Variants in GRIN2A observed in about 807,000 individuals in gnomAD.
The protein encoded by GRIN2A is glutamate receptor ionotropic, NMDA 2A.
Under a neutral mutation model 113.4 loss-of-function variants are expected in GRIN2A, and 22 were observed. That is an observed-to-expected ratio of 0.19 (90% CI 0.14 to 0.28). The LOEUF (loss-of-function observed/expected upper bound fraction) is 0.28. GRIN2A is among the 10% of genes least tolerant of loss of function. GRIN2A has a pLI of 1.00. For synonymous variants in GRIN2A, 827 were observed against 738.4 expected, an observed-to-expected ratio of 1.12 and a Z score of -1.94; for missense variants, 1,502 against 1,887.0, an observed-to-expected ratio of 0.80 and a Z score of 3.78.
At chr16:10,023,502 A>G (rs545681417) in intron 2 of GRIN2A, among the ~76,000 whole-genome samples, 5 of 152,328 alleles carry the variant, frequency 3.3e-5, no homozygotes, top group Admixed American at 2.6e-4. Context: ...GTAAGAGAAC[A>G]CATCAGGATT....
Position 9,891,010 on chromosome 16 carries a change from C to G in GRIN2A, c.1098G>C (p.Leu366=). Reference sequence around the variant, plus strand: ...CCTTTTCCCATTCCCGGTCTTTGTTCAGCACAATCACCACCAGCCTGGGGT... The same window carrying G: ...CCTTTTCCCATTCCCGGTCTTTGTTGAGCACAATCACCACCAGCCTGGGGT... ...QVHPRLVVIV[L]NKDREWEKVG... The change falls in exon 4 of 13, where the codon CTG becomes CTC. Residue 366 remains leucine (L), a synonymous_variant. Coordinates refer to ENST00000330684, the MANE Select transcript of GRIN2A (RefSeq NM_001134407.3). 6.2e-7 allele frequency: 1 copy of G among 1,611,042 alleles called. No homozygotes were observed. The highest frequency in any genetic ancestry group is 8.5e-7 in the Non-Finnish European group (1 of 1,177,224).
At chr16:10,147,745 C>T (rs1370924333) in intron 2 of GRIN2A, among the ~76,000 whole-genome samples, 1 of 151,994 alleles carries the variant, frequency 6.6e-6, no homozygotes, top group African/African-American at 2.4e-5. Context: ...ACCTTAAAAA[C>T]AGAAATGAAA....
chr16:9,771,226 T>G (rs1901255096), intron 11 of GRIN2A, among the ~76,000 whole-genome samples: 1 of 152,090 alleles, frequency 6.6e-6, no homozygotes, highest in East Asian at 1.9e-4. Context: ...CTGAAAACTT[T>G]AAAATACTGT....
Position 9,757,011 on chromosome 16 carries a change from G to C in GRIN2A, c.*6138C>G, listed in dbSNP as rs1428419255. 3 of 198,512 alleles carry C rather than the reference G, an allele frequency of 1.5e-5. No individual in the cohort carries two copies. Among genetic ancestry groups the C allele is most frequent in the Non-Finnish European group, 3.1e-5 (3 of 96,048 alleles). The allele number at this position is 198,512 out of a possible 1,614,324, so 12.3% of individuals were successfully genotyped here. A position where few individuals can be genotyped will look rare whatever the true frequency, so the allele number is the denominator to read the frequency against. On this transcript the variant is annotated 3_prime_UTR_variant, in exon 13 of 13. Transcript: ENST00000330684. ...ATTCATACCCTGGTGTATCAGAAGG[G>C]TTCTTCAAATGTCAAAAACAAAACC...
chr16:10,129,343 G>A (rs1473522068), intron 2 of GRIN2A, among the ~76,000 whole-genome samples: 1 of 149,098 alleles, frequency 6.7e-6, no homozygotes, highest in African/African-American at 2.5e-5. Context: ...GCTTTCAAAG[G>A]ACACATGCTT....
At chr16:9,797,165 C>T (rs1037981557) in intron 11 of GRIN2A, among the ~76,000 whole-genome samples, 11 of 152,234 alleles carry the variant, frequency 7.2e-5, no homozygotes, top group Non-Finnish European at 1.6e-4. Context: ...ATTTTTCTCT[C>T]CCACCTGTAG....
At chr16:9,842,971 GGAAGAA>G (rs1377377848) in intron 5 of GRIN2A, among the ~76,000 whole-genome samples, 5 of 129,530 alleles carry the variant, frequency 3.9e-5, no homozygotes, top group African/African-American at 1.5e-4. Context: ...GAGAGAGAGA[GGAAGAA>G]AGAAAGAAAG....
intron 3 of GRIN2A, among the ~76,000 whole-genome samples, chr16:9,920,055 C>G (rs2044329506): frequency 6.6e-6 from 1 of 152,208 alleles, no homozygotes; most frequent in Non-Finnish European, 1.5e-5. Context: ...ATTGACATTG[C>G]CTGTATTCAT....
chr16:9,835,348 G>A lies in GRIN2A; in HGVS notation c.1652-1118C>T, dbSNP rs988823371. ...TTTGCATGTAACTTAGGCAGTAGGT[G>A]GATGTCTTAGAAGGGCAGGCCAAGT... On this transcript the variant is annotated intron_variant, in intron 7 of 12. Transcript: ENST00000330684. Among the ~76,000 whole-genome samples, 11 of 152,120 alleles carry A rather than the reference G, an allele frequency of 7.2e-5. No individual in the cohort carries two copies. In the East Asian group the frequency reaches 2.1e-3, roughly 29 times the overall value.
chr16:10,053,681 GT>G (rs2047397144), intron 2 of GRIN2A, among the ~76,000 whole-genome samples: 1 of 152,214 alleles, frequency 6.6e-6, no homozygotes, highest in Non-Finnish European at 1.5e-5. Flanking sequence ...GCCACCTGCT[GT>G]TACAACGTCC....
intron 2 of GRIN2A, among the ~76,000 whole-genome samples, chr16:10,152,583 T>G (rs1286721149): frequency 6.6e-6 from 1 of 152,172 alleles, no homozygotes; most frequent in Non-Finnish European, 1.5e-5. Context: ...TCTAGCTTGA[T>G]CACCCTTCTT....
At chr16:9,941,789 C>T (rs929542557) in intron 2 of GRIN2A, among the ~76,000 whole-genome samples, 6 of 152,164 alleles carry the variant, frequency 3.9e-5, no homozygotes, top group South Asian at 2.1e-4. Flanking sequence ...ATGAGAGTCA[C>T]GTTGCTCCTC....
At chr16:9,831,867 CCTAT>C (rs1453397359) in intron 8 of GRIN2A, among the ~76,000 whole-genome samples, 2 of 151,890 alleles carry the variant, frequency 1.3e-5, no homozygotes, top group South Asian at 4.2e-4. Context: ...TGGTCAATTG[CCTAT>C]CTCTCTGATT....
intron 2 of GRIN2A, among the ~76,000 whole-genome samples, chr16:10,034,322 C>T (rs1455631374): frequency 2.6e-5 from 4 of 151,716 alleles, no homozygotes; most frequent in South Asian, 4.2e-4. Flanking sequence ...ACCAGAAGTG[C>T]GAGACCATCT....
At chr16:10,136,256 AAC>A (rs147488780) in intron 2 of GRIN2A, among the ~76,000 whole-genome samples, 3 of 151,858 alleles carry the variant, frequency 2.0e-5, no homozygotes, top group South Asian at 2.1e-4. Flanking sequence ...AGCACACACA[AAC>A]ACACACACAC....
At position 9,938,270 on chromosome 16, in the gene GRIN2A, G is replaced by C; in HGVS notation, c.696C>G (p.Ser232=). The change falls in exon 3 of 13, where the codon TCC becomes TCG. Residue 232 remains serine, a synonymous_variant. Coordinates refer to ENST00000330684, the MANE Select transcript of GRIN2A (RefSeq NM_001134407.3). ...IHSSVILLYC[S]KDEAVLILSE... Reference sequence around the variant, plus strand: ...TCAGAATGAGAACAGCCTCGTCTTTGGAACAGTAGAGCAAGATGACAGAAG... The same window carrying C: ...TCAGAATGAGAACAGCCTCGTCTTTCGAACAGTAGAGCAAGATGACAGAAG... 11 of 1,614,108 alleles carry C rather than the reference G, an allele frequency of 6.8e-6. No homozygotes were observed. Among genetic ancestry groups the C allele is most frequent in the Non-Finnish European group, 9.3e-6 (11 of 1,179,956 alleles).
At chr16:9,937,744 A>G (rs2044746060) in intron 3 of GRIN2A, 1 of 587,274 alleles carries the variant, frequency 1.7e-6, no homozygotes, top group Admixed American at 2.9e-5. Context: ...TTGAGTAGAA[A>G]AAAAAGTTAA....
At chr16:9,864,538 G>C (rs894671038) in intron 4 of GRIN2A, among the ~76,000 whole-genome samples, 57 of 152,242 alleles carry the variant, frequency 3.7e-4, no homozygotes, top group African/African-American at 1.3e-3. Flanking sequence ...GGCTAAGGAA[G>C]CACGAGACTT....
At chr16:9,790,659 A>G (rs940738726) in intron 11 of GRIN2A, among the ~76,000 whole-genome samples, 1 of 152,200 alleles carries the variant, frequency 6.6e-6, no homozygotes, top group African/African-American at 2.4e-5. Flanking sequence ...AAGACTGTCA[A>G]AAGATTGGCA....
Sources: gnomAD v4.1 joint callset for allele counts (sites outside exome capture counted in the v4.1 genomes callset) on GRCh38, gnomAD v4.1.1 for gene constraint, MANE v1.5 for transcripts, NCBI Gene and HGNC (gene_info 2026-07-23, HGNC 2026-07-21) for gene names.